The following COX17 variants were observed in gnomAD, a reference collection of about 807,000 sequenced individuals.
COX17 encodes the protein cytochrome c oxidase copper chaperone.
A neutral mutation model predicts 6.3 loss-of-function variants in COX17; 1 was observed. The observed-to-expected ratio is 0.16, with a 90% confidence interval of 0.06 to 0.75. The LOEUF (loss-of-function observed/expected upper bound fraction) is 0.75. COX17 is among the 30% of genes least tolerant of loss of function. The pLI is 0.77. For synonymous variants in COX17, 26 were observed against 30.5 expected, an observed-to-expected ratio of 0.85 and a Z score of 0.49; for missense variants, 73 against 81.2, an observed-to-expected ratio of 0.90 and a Z score of 0.39.
downstream of COX17, among the ~76,000 whole-genome samples, chr3:119,668,279 CAG>C (rs2053012043): frequency 6.6e-6 from 1 of 152,058 alleles, no homozygotes; most frequent in African/African-American, 2.4e-5. Context: ...CATATTCAAG[CAG>C]AGTTTGGATA....
chr3:119,677,096 G>GGGCAGAGGGCAGAA (rs1355538979), intron 1 of COX17, 108 bp downstream of exon 1: 3 of 799,834 alleles, frequency 3.8e-6, no homozygotes, highest in African/African-American at 2.0e-5. Context: ...AGAAGGCAGA[G>GGGCAGAGGGCAGAA]GGCAGAGGGC....
At chr3:119,666,780 CAT>C (rs2052996383), downstream of COX17, 1 of 152,182 alleles carries the variant, frequency 6.6e-6, no homozygotes. Context: ...CTGATTCACA[CAT>C]GAATTATCAA....
chr3:119,677,298 C>G lies in COX17; in HGVS notation c.13G>C (p.Val5Leu). 1 of 1,611,608 alleles carries G rather than the reference C, an allele frequency of 6.2e-7. No homozygotes were observed. The highest frequency in any genetic ancestry group is 8.5e-7 in the Non-Finnish European group (1 of 1,179,762). ...TCAGGCGGGGCAGGGTTTGAGTCAACCAGACCCGGCATCTTTCGCGCCAAA... is the reference window on the plus strand; with the variant it reads ...TCAGGCGGGGCAGGGTTTGAGTCAAGCAGACCCGGCATCTTTCGCGCCAAA... Reference protein sequence around the residue: MPGLVDSNPAPPESQ... With the variant: MPGLLDSNPAPPESQ... The change falls in exon 1 of 3, where the codon GTT (valine) becomes CTT (leucine). Residue 5 changes from valine to leucine, a missense_variant. Val to Leu is a conservative substitution (Grantham distance 32). Coordinates refer to ENST00000261070, the MANE Select transcript of COX17 (RefSeq NM_005694.2).
At chr3:119,677,101 G>C in intron 1 of COX17, 103 bp downstream of exon 1, 1 of 860,312 alleles carries the variant, frequency 1.2e-6, no homozygotes, top group Non-Finnish European at 1.9e-6. Context: ...GCAGAGGGCA[G>C]AGGGCAGAAG....
rs1341196927 is a variant in COX17 at position 119,677,232 on chromosome 3, G to A, written c.79C>T (p.Pro27Ser). Residue 27 changes from proline to serine, a missense_variant, in exon 1 of 3, where the codon CCG becomes TCG. Pro to Ser is a moderately conservative substitution (Grantham distance 74). Coordinates refer to ENST00000261070, the MANE Select transcript of COX17 (RefSeq NM_005694.2). ...KKPLKPCCAC[P>S]ETKKARDACI... ...GCATCGCGCGCCTTCTTGGTCTCCGGGCAAGCGCAGCAGGGCTTCAGCGGC... is the reference window on the plus strand; with the variant it reads ...GCATCGCGCGCCTTCTTGGTCTCCGAGCAAGCGCAGCAGGGCTTCAGCGGC... The A allele has an allele frequency of 1.2e-6, 2 of 1,611,820 alleles. No individual in the cohort carries two copies. Among genetic ancestry groups the A allele is most frequent in the Admixed American group, 3.3e-5 (2 of 59,984 alleles).
At chr3:119,668,926 C>A (rs937361010), downstream of COX17, among the ~76,000 whole-genome samples, 27 of 152,084 alleles carry the variant, frequency 1.8e-4, no homozygotes, top group African/African-American at 1.9e-4. Flanking sequence ...CATGGCATAG[C>A]ACTGAGCTGT....
intron 2 of COX17, among the ~76,000 whole-genome samples, chr3:119,672,347 A>G (rs2053052658): frequency 6.6e-6 from 1 of 152,242 alleles, no homozygotes; most frequent in Admixed American, 6.5e-5. Flanking sequence ...CATAAAGAAA[A>G]CTATGATATC....
chr3:119,676,881 T>C, intron 1 of COX17: 1 of 701,538 alleles, frequency 1.4e-6, no homozygotes, highest in South Asian at 1.5e-5. Context: ...AAGGAATGAG[T>C]GGTTGAAGCT....
chr3:119,677,018 CGGGGCGGGGGGG>C (rs2053108319), intron 1 of COX17, 174 bp downstream of exon 1: 2 of 468,636 alleles, frequency 4.3e-6, no homozygotes, highest in Admixed American at 3.8e-5. Flanking sequence ...CGGGGCGGGG[CGGGGCGGGGGGG>C]GGGGGCAGAC....
intron 1 of COX17, among the ~76,000 whole-genome samples, chr3:119,676,384 A>G (rs1176750298): frequency 6.6e-6 from 1 of 152,224 alleles, no homozygotes; most frequent in Non-Finnish European, 1.5e-5. Flanking sequence ...TTTCTTTCTT[A>G]TATCTACTAT....
Position 119,672,762 on chromosome 3 carries a change from T to C in COX17, c.*4+2383A>G, listed in dbSNP as rs376799251. Among the ~76,000 whole-genome samples, 8 of 152,348 alleles carry C rather than the reference T, an allele frequency of 5.3e-5. No homozygotes were observed. In the East Asian group the frequency reaches 1.2e-3, roughly 22 times the overall value. Reference sequence around the variant, plus strand: ...CTATATATAGAATCACAAAATGTATTATGGTTCTCTTTTTATAAATAATAA... The same window carrying C: ...CTATATATAGAATCACAAAATGTATCATGGTTCTCTTTTTATAAATAATAA... On this transcript the variant is annotated intron_variant, in intron 2 of 2. Transcript: ENST00000261070.
chr3:119,675,796 T>C (rs1347312691), intron 1 of COX17, among the ~76,000 whole-genome samples: 2 of 152,210 alleles, frequency 1.3e-5, no homozygotes, highest in Non-Finnish European at 2.9e-5. Context: ...AAATGTGATT[T>C]TGCAAATAAT....
intron 2 of COX17, among the ~76,000 whole-genome samples, chr3:119,672,525 C>T (rs773822014): frequency 4.6e-5 from 7 of 151,978 alleles, no homozygotes; most frequent in Admixed American, 6.6e-5. Flanking sequence ...ACACAACTGA[C>T]GAGGGAGTTA....
intron 1 of COX17, 94 bp downstream of exon 1, chr3:119,677,110 A>AGGCAGAG (rs1337019212): frequency 1.9e-5 from 16 of 845,132 alleles, no homozygotes; most frequent in Admixed American, 2.4e-5. Flanking sequence ...AGAGGGCAGA[A>AGGCAGAG]GGCAGAGGGC....
At chr3:119,673,089 G>GTTA (rs1435043198) in intron 2 of COX17, among the ~76,000 whole-genome samples, 1 of 152,180 alleles carries the variant, frequency 6.6e-6, no homozygotes, top group African/African-American at 2.4e-5. Flanking sequence ...TCTCTCAGCT[G>GTTA]TTATTAAGTT....
intron 2 of COX17, among the ~76,000 whole-genome samples, chr3:119,672,070 T>C (rs2053050272): frequency 6.6e-6 from 1 of 152,224 alleles, no homozygotes; most frequent in Non-Finnish European, 1.5e-5. Context: ...ATGTCTGCTA[T>C]CCACAACTCT....
At chr3:119,670,923 T>A (rs115476025) in intron 2 of COX17, among the ~76,000 whole-genome samples, 3,469 of 152,182 alleles carry the variant, frequency 0.023, 48 homozygotes, top group Middle Eastern at 0.071. Flanking sequence ...GCTTCTTCTG[T>A]CTCCTAAAGG....
intron 2 of COX17, among the ~76,000 whole-genome samples, chr3:119,673,662 T>A (rs1393150500): frequency 6.6e-6 from 1 of 152,136 alleles, no homozygotes; most frequent in Non-Finnish European, 1.5e-5. Flanking sequence ...GCCTCTCTAA[T>A]AAGGAGACTT....
intron 1 of COX17, 113 bp from the exon 2 acceptor site, chr3:119,675,346 T>C: frequency 2.7e-6 from 2 of 728,658 alleles, no homozygotes; most frequent in Non-Finnish European, 4.7e-6. Flanking sequence ...GTAGCTGGAA[T>C]TAAAACAAAC....
Sources: gnomAD v4.1 joint callset for allele counts (sites outside exome capture counted in the v4.1 genomes callset) on GRCh38, gnomAD v4.1.1 for gene constraint, MANE v1.5 for transcripts, NCBI Gene and HGNC (gene_info 2026-07-23, HGNC 2026-07-21) for gene names.